Variants in CSMD3 observed in about 807,000 individuals in gnomAD.
CSMD3 encodes CUB and Sushi multiple domains 3.
CSMD3 carries 177 observed loss-of-function variants against 435.2 expected under a neutral mutation model. The observed-to-expected ratio is 0.41, with a 90% CI of 0.36 to 0.46. The LOEUF (loss-of-function observed/expected upper bound fraction) is 0.46, where lower values mean the gene tolerates loss of function less well. Ranked by LOEUF, CSMD3 falls within the 20% of genes least tolerant of loss-of-function variation. The probability of loss-of-function intolerance (pLI) is 0.34; values close to 1 mark genes in which losing one functional copy is unlikely to be tolerated. For missense variants in CSMD3, 4,265 were observed against 4,504.6 expected (o/e 0.95, Z 1.52); for synonymous variants, 1,656 against 1,520.5 (o/e 1.09, Z -2.07).
intron 13 of CSMD3, among the ~76,000 whole-genome samples, chr8:112,702,980 C>T (rs955303671): frequency 3.9e-5 from 6 of 152,036 alleles, no homozygotes; most frequent in African/African-American, 1.2e-4. Flanking sequence ...TCATTTGTTT[C>T]CTGCAGGGTT....
chr8:113,225,388 T>TCTACTACATCTA (rs1433030862), intron 3 of CSMD3, among the ~76,000 whole-genome samples: 2 of 151,560 alleles, frequency 1.3e-5, no homozygotes, highest in African/African-American at 4.8e-5. Flanking sequence ...TTTCTACTAG[T>TCTACTACATCTA]CAGATGTCCC....
chr8:113,030,924 A>G (rs981931177), intron 5 of CSMD3, among the ~76,000 whole-genome samples: 2 of 151,580 alleles, frequency 1.3e-5, no homozygotes, highest in Admixed American at 6.6e-5. Flanking sequence ...TATTTGGCAA[A>G]TGCAAATTAA....
At position 112,292,613 on chromosome 8, in the gene CSMD3, C is replaced by G. The variant is rs985510957; in HGVS notation, c.8712G>C (p.Gly2904=). ...NDVVTFSCNI[G]YLMQGPTKAQ... is the part of the protein sequence containing the mutation. The stretch of plus-strand genomic sequence containing the variant: ...CCTTTGTTGGCCCTTGCATAAGATA[C>G]CCAATATTGCATGAGAATGTTACCA... Residue 2904 remains glycine (G), a synonymous_variant, in exon 55 of 71, where the codon GGG becomes GGC. Coordinates refer to ENST00000297405, the MANE Select transcript of CSMD3 (RefSeq NM_198123.2). 6.2e-7 allele frequency: 1 copy of G among 1,613,574 alleles called. No individual in the cohort carries two copies. The highest frequency in any genetic ancestry group is 1.7e-5 in the Admixed American group (1 of 59,958).
rs112655623 is a variant in CSMD3 at position 112,795,661 on chromosome 8, G to A, written c.1972+4501C>T. ...AGGATGGTAGAGGGAATTCAAGAAC[G>A]CACCTGAGTCTCAGATAAAAATAAC... On this transcript the variant is annotated intron_variant, in intron 13 of 70. Coordinates refer to ENST00000297405, the MANE Select transcript of CSMD3 (RefSeq NM_198123.2). Among the ~76,000 whole-genome samples the A allele has an allele frequency of 3.5e-4, 53 of 152,146 alleles. 1 individual carries two copies. The highest frequency in any genetic ancestry group is 9.4e-4 in the African/African-American group (39 of 41,520).
At chr8:112,658,491 T>A (rs9643074) in intron 17 of CSMD3, among the ~76,000 whole-genome samples, 24,947 of 152,186 alleles carry the variant, frequency 0.16, 2,155 homozygotes, top group Middle Eastern at 0.37. Flanking sequence ...GAAGCACAAC[T>A]GCCTCCTATT....
intron 3 of CSMD3, among the ~76,000 whole-genome samples, chr8:113,176,817 G>A (rs917625807): frequency 1.3e-5 from 2 of 151,554 alleles, no homozygotes; most frequent in Non-Finnish European, 2.9e-5. Context: ...TAGGTGATGG[G>A]TTGTTATGTG....
intron 22 of CSMD3, among the ~76,000 whole-genome samples, chr8:112,611,224 C>T (rs1468199665): frequency 1.3e-5 from 2 of 152,098 alleles, no homozygotes; most frequent in African/African-American, 2.4e-5. Flanking sequence ...TCTGTGAATA[C>T]AAAAATTAGG....
chr8:113,078,894 C>A (rs1446200498), intron 5 of CSMD3, among the ~76,000 whole-genome samples: 1 of 152,204 alleles, frequency 6.6e-6, no homozygotes, highest in African/African-American at 2.4e-5. Flanking sequence ...GCAGCCAGGG[C>A]TCCTGGAGCA....
intron 10 of CSMD3, among the ~76,000 whole-genome samples, chr8:112,888,181 T>C (rs568822489): frequency 5.5e-4 from 83 of 151,802 alleles, no homozygotes; most frequent in African/African-American, 2.0e-3. Flanking sequence ...TTTGGGATTA[T>C]GGCCATACAC....
intron 1 of CSMD3, among the ~76,000 whole-genome samples, chr8:113,330,713 C>T (rs530257503): frequency 2.0e-5 from 3 of 151,774 alleles, no homozygotes; most frequent in African/African-American, 7.2e-5. Flanking sequence ...CTTTTATAGT[C>T]ATATAGTAGT....
chr8:112,508,779 C>T (rs1457103120), intron 28 of CSMD3, among the ~76,000 whole-genome samples: 2 of 152,078 alleles, frequency 1.3e-5, no homozygotes, highest in African/African-American at 4.8e-5. Context: ...AAAGTCTCTT[C>T]TTACTAAATT....
intron 35 of CSMD3, among the ~76,000 whole-genome samples, chr8:112,395,464 A>T (rs1830781378): frequency 6.6e-6 from 1 of 152,174 alleles, no homozygotes; most frequent in African/African-American, 2.4e-5. Flanking sequence ...ATATTTCTTC[A>T]TGAACTTTTT....
At chr8:112,399,355 G>A (rs1003653244) in intron 35 of CSMD3, among the ~76,000 whole-genome samples, 1 of 151,860 alleles carries the variant, frequency 6.6e-6, no homozygotes, top group Admixed American at 6.6e-5. Context: ...CTGCCTCCTG[G>A]GTTCAAGCGA....
chr8:112,423,852 T>TTA (rs1379223865), intron 32 of CSMD3, among the ~76,000 whole-genome samples: 1 of 152,002 alleles, frequency 6.6e-6, no homozygotes, highest in Non-Finnish European at 1.5e-5. Context: ...CCCAAAGCTT[T>TTA]TATATATATA....
At chr8:113,119,919 A>T (rs1456516768) in intron 4 of CSMD3, among the ~76,000 whole-genome samples, 2 of 150,764 alleles carry the variant, frequency 1.3e-5, no homozygotes, top group Non-Finnish European at 2.9e-5. Flanking sequence ...ATTGTCCTGG[A>T]TTTTTCTCTA....
chr8:113,222,837 T>C (rs921177028), intron 3 of CSMD3, among the ~76,000 whole-genome samples: 4 of 151,104 alleles, frequency 2.6e-5, no homozygotes, highest in Admixed American at 6.6e-5. Context: ...TTCAAAGAAA[T>C]TGGAATTTTT....
chr8:112,904,231 G>T (rs1220976547), intron 10 of CSMD3, among the ~76,000 whole-genome samples: 1 of 151,382 alleles, frequency 6.6e-6, no homozygotes, highest in Non-Finnish European at 1.5e-5. Context: ...GGTGACTATG[G>T]TTAATGATGA....
At chr8:112,967,080 C>G (rs1201880043) in intron 7 of CSMD3, among the ~76,000 whole-genome samples, 1 of 151,838 alleles carries the variant, frequency 6.6e-6, no homozygotes, top group Non-Finnish European at 1.5e-5. Flanking sequence ...GATCCAACTC[C>G]AATTCCATCA....
chr8:113,153,130 A>AGAGAAGGAAGGAAGGAAG (rs2091858997), intron 4 of CSMD3, among the ~76,000 whole-genome samples: 2 of 82,736 alleles, frequency 2.4e-5, no homozygotes, highest in East Asian at 8.1e-4. Flanking sequence ...AGAAAGAGAA[A>AGAGAAGGAAGGAAGGAAG]GAAGGAAGGA....
Sources: allele counts gnomAD v4.1 joint callset (sites outside exome capture counted in the v4.1 genomes callset), GRCh38; gene constraint gnomAD v4.1.1; transcripts MANE v1.5; gene names NCBI Gene and HGNC (gene_info 2026-07-23, HGNC 2026-07-21).